CDH18: variants seen among roughly 807,000 people sequenced by gnomAD.
CDH18 encodes cadherin-18.
A neutral mutation model predicts 67.9 loss-of-function variants in CDH18; 31 were observed. The ratio of observed to expected loss-of-function variants is 0.46; its 90% CI spans 0.34 to 0.62. CDH18 has a LOEUF of 0.62. Among genes scored for constraint, CDH18 ranks in the 20% least tolerant of loss-of-function variants. CDH18 has a pLI of 0.01. For synonymous variants in CDH18, 362 were observed against 347.2 expected (o/e 1.04, Z -0.48); for missense variants, 890 against 975.5 (o/e 0.91, Z 1.17).
At chr5:20,101,795 C>T (rs1464982230) in intron 2 of CDH18, among the ~76,000 whole-genome samples, 3 of 152,174 alleles carry the variant, frequency 2.0e-5, no homozygotes, top group Non-Finnish European at 2.9e-5. Flanking sequence ...AACAGCTAGC[C>T]GGGCGTGTTG....
intron 8 of CDH18, among the ~76,000 whole-genome samples, chr5:19,555,473 G>A (rs1328310309): frequency 6.6e-6 from 1 of 152,164 alleles, no homozygotes; most frequent in Non-Finnish European, 1.5e-5. Context: ...GGGCTGCATG[G>A]GAACAAGGTA....
At chr5:19,703,053 AAAACTCTG>A (rs1763476455) in intron 5 of CDH18, among the ~76,000 whole-genome samples, 3 of 35,544 alleles carry the variant, frequency 8.4e-5, no homozygotes, top group South Asian at 2.8e-3. Flanking sequence ...ATATGTGCGT[AAAACTCTG>A]TTCATGGCTC....
At chr5:19,613,110 A>C (rs1293508920) in intron 5 of CDH18, among the ~76,000 whole-genome samples, 1 of 152,108 alleles carries the variant, frequency 6.6e-6, no homozygotes, top group Non-Finnish European at 1.5e-5. Context: ...ACGCCACTGC[A>C]CTCCAGCCTG....
At chr5:19,500,055 A>G (rs1742985187) in intron 11 of CDH18, among the ~76,000 whole-genome samples, 1 of 151,918 alleles carries the variant, frequency 6.6e-6, no homozygotes, top group Non-Finnish European at 1.5e-5. Context: ...GGCACAGAAA[A>G]TGATAAATTT....
chr5:19,910,890 A>C (rs2150137539), intron 2 of CDH18, among the ~76,000 whole-genome samples: 1 of 152,254 alleles, frequency 6.6e-6, no homozygotes, highest in African/African-American at 2.4e-5. Context: ...TATATACGTA[A>C]GGACATAAAA....
chr5:20,073,126 C>A (rs1230377125), intron 2 of CDH18, among the ~76,000 whole-genome samples: 2 of 151,920 alleles, frequency 1.3e-5, no homozygotes, highest in African/African-American at 4.8e-5. Context: ...AAAAATCTAT[C>A]CCCACATCAA....
chr5:20,273,078 C>G (rs1370694147), intron 1 of CDH18, among the ~76,000 whole-genome samples: 1 of 152,038 alleles, frequency 6.6e-6, no homozygotes, highest in East Asian at 1.9e-4. Flanking sequence ...AAATTTCCAT[C>G]TCTATTCATA....
intron 1 of CDH18, among the ~76,000 whole-genome samples, chr5:20,560,824 G>C (rs1758166027): frequency 6.6e-6 from 1 of 151,930 alleles, no homozygotes; most frequent in Non-Finnish European, 1.5e-5. Flanking sequence ...ATGAGAATTA[G>C]AAGACGAGCC....
At chr5:20,243,204 A>T (rs1743123024) in intron 2 of CDH18, among the ~76,000 whole-genome samples, 1 of 152,124 alleles carries the variant, frequency 6.6e-6, no homozygotes, top group African/African-American at 2.4e-5. Flanking sequence ...CAGGCATAGG[A>T]GTTGTCCATA....
chr5:20,121,724 T>A (rs759839161), intron 2 of CDH18, among the ~76,000 whole-genome samples: 34 of 152,294 alleles, frequency 2.2e-4, no homozygotes, highest in South Asian at 4.1e-4. Flanking sequence ...TCTCCAGCTA[T>A]GGGAGGAAAA....
chr5:19,646,297 A>T (rs546214962), intron 5 of CDH18, among the ~76,000 whole-genome samples: 23 of 152,102 alleles, frequency 1.5e-4, no homozygotes, highest in Non-Finnish European at 2.5e-4. Context: ...AAAAAAGTGC[A>T]TTTAAAAAAA....
At chr5:19,648,585 T>C (rs1353458629) in intron 5 of CDH18, among the ~76,000 whole-genome samples, 3 of 134,672 alleles carry the variant, frequency 2.2e-5, no homozygotes, top group Admixed American at 2.2e-4. Flanking sequence ...ATTCTATCTC[T>C]TTTTTTTGTC....
chr5:20,409,808 G>A (rs377112583), intron 1 of CDH18, among the ~76,000 whole-genome samples: 6 of 151,564 alleles, frequency 4.0e-5, no homozygotes, highest in African/African-American at 1.4e-4. Flanking sequence ...TAAACAGGAG[G>A]CATTATGAAT....
At chr5:20,168,025 A>C (rs1736424956) in intron 2 of CDH18, among the ~76,000 whole-genome samples, 1 of 152,198 alleles carries the variant, frequency 6.6e-6, no homozygotes, top group Non-Finnish European at 1.5e-5. Flanking sequence ...TGAATGGATG[A>C]CTAAATGGCT....
chr5:20,359,504 T>C (rs1741914061), intron 1 of CDH18, among the ~76,000 whole-genome samples: 1 of 152,182 alleles, frequency 6.6e-6, no homozygotes. Context: ...TTGGTTCATA[T>C]TTTCTTTATA....
intron 2 of CDH18, among the ~76,000 whole-genome samples, chr5:20,183,554 C>T (rs1390161556): frequency 6.6e-6 from 1 of 152,026 alleles, no homozygotes; most frequent in East Asian, 1.9e-4. Flanking sequence ...CAAAGCAATT[C>T]AATGAAAAAA....
At chr5:20,255,283 G>A (rs1744148459) in intron 2 of CDH18, among the ~76,000 whole-genome samples, 1 of 152,022 alleles carries the variant, frequency 6.6e-6, no homozygotes, top group Non-Finnish European at 1.5e-5. Context: ...CACAGAAGAT[G>A]CTAAATTTCT....
intron 1 of CDH18, among the ~76,000 whole-genome samples, chr5:20,426,422 C>G (rs567737617): frequency 6.6e-6 from 1 of 151,116 alleles, no homozygotes; most frequent in East Asian, 1.9e-4. Flanking sequence ...TTTATCATCC[C>G]TTATTTATAC....
At chr5:20,347,044 T>C (rs1264143306) in intron 1 of CDH18, among the ~76,000 whole-genome samples, 2 of 152,130 alleles carry the variant, frequency 1.3e-5, no homozygotes, top group Non-Finnish European at 2.9e-5. Flanking sequence ...ACCATCTACT[T>C]TGTAGAGCTA....
Sources: gnomAD v4.1 joint callset for allele counts (sites outside exome capture counted in the v4.1 genomes callset) on GRCh38, gnomAD v4.1.1 for gene constraint, MANE v1.5 for transcripts, NCBI Gene and HGNC (gene_info 2026-07-23, HGNC 2026-07-21) for gene names.